PARVA: variants seen among roughly 807,000 people sequenced by gnomAD.
PARVA encodes the protein alpha-parvin.
Under a neutral mutation model 52.6 loss-of-function variants are expected in PARVA, and 25 were observed. The observed-to-expected ratio is 0.48, with a 90% CI of 0.35 to 0.66. The LOEUF (loss-of-function observed/expected upper bound fraction) is 0.66. PARVA is among the 30% of genes least tolerant of loss of function. The pLI is 0.01. For synonymous variants in PARVA, 185 were observed against 179.1 expected (o/e 1.03, Z -0.26); for missense variants, 373 against 450.9 (o/e 0.83, Z 1.56).
chr11:12,439,753 G>C (rs1174132980), intron 1 of PARVA, among the ~76,000 whole-genome samples: 1 of 152,074 alleles, frequency 6.6e-6, no homozygotes, highest in East Asian at 1.9e-4. Context: ...AGCTGCCCTG[G>C]CCTTCTTGTT....
intron 1 of PARVA, among the ~76,000 whole-genome samples, chr11:12,440,834 A>G (rs760732719): frequency 2.0e-5 from 3 of 152,210 alleles, no homozygotes; most frequent in Non-Finnish European, 2.9e-5. Context: ...TCTCATACTA[A>G]GTCTCTCCGA....
rs77285148 is a variant in PARVA at position 12,396,168 on chromosome 11, C to G, written c.136+18385C>G. Among the ~76,000 whole-genome samples, 10 of 152,334 alleles carry G rather than the reference C, an allele frequency of 6.6e-5. No individual in the cohort carries two copies. The East Asian group carries it at 1.9e-3, about 29-fold the overall frequency. On this transcript the variant is annotated intron_variant, in intron 1 of 12. Coordinates refer to ENST00000334956, the MANE Select transcript of PARVA (RefSeq NM_018222.5). ...AACTGACTTGTCTAAGATCTCTCAG[C>G]TATTAATTGGTAGAACAGGGATTTC...
chr11:12,419,237 A>G (rs190833576), intron 1 of PARVA, among the ~76,000 whole-genome samples: 31 of 152,288 alleles, frequency 2.0e-4, no homozygotes, highest in Admixed American at 9.2e-4. Flanking sequence ...TTCATCTTGC[A>G]AAACTGAAAC....
chr11:12,403,611 T>C (rs1939860605), intron 1 of PARVA, among the ~76,000 whole-genome samples: 1 of 152,228 alleles, frequency 6.6e-6, no homozygotes, highest in African/African-American at 2.4e-5. Flanking sequence ...ATATTCAAAA[T>C]AAGAGATTAG....
At chr11:12,501,368 G>T (rs376443572) in intron 5 of PARVA, among the ~76,000 whole-genome samples, 1 of 151,836 alleles carries the variant, frequency 6.6e-6, no homozygotes, top group Non-Finnish European at 1.5e-5. Context: ...GATTTTCAAT[G>T]CATGCAAACT....
chr11:12,451,447 CT>C (rs111287854), intron 1 of PARVA, among the ~76,000 whole-genome samples: 5,135 of 144,002 alleles, frequency 0.036, 297 homozygotes, highest in African/African-American at 0.12. Flanking sequence ...GGTAGAGATG[CT>C]TTTTTTTTTT....
intron 1 of PARVA, among the ~76,000 whole-genome samples, chr11:12,418,614 A>C (rs1391767315): frequency 4.6e-5 from 7 of 152,042 alleles, no homozygotes. Flanking sequence ...TTGATTCTCT[A>C]TCAGGCAACT....
At chr11:12,445,845 G>T (rs1198821867) in intron 1 of PARVA, among the ~76,000 whole-genome samples, 5 of 152,168 alleles carry the variant, frequency 3.3e-5, no homozygotes, top group African/African-American at 1.2e-4. Flanking sequence ...ACTGGCATTT[G>T]TCAGATCACA....
At chr11:12,409,785 C>T (rs1939967932) in intron 1 of PARVA, among the ~76,000 whole-genome samples, 1 of 152,212 alleles carries the variant, frequency 6.6e-6, no homozygotes, top group Non-Finnish European at 1.5e-5. Context: ...TGTTGTAAGC[C>T]ACTAAGCATT....
At chr11:12,508,417 C>G (rs909198077) in intron 6 of PARVA, among the ~76,000 whole-genome samples, 167 bp from the exon 7 acceptor site, 1 of 152,158 alleles carries the variant, frequency 6.6e-6, no homozygotes, top group Non-Finnish European at 1.5e-5. Context: ...CAGTCCAGTC[C>G]CTGAAAATCA....
At chr11:12,415,044 C>CT (rs1300960812) in intron 1 of PARVA, among the ~76,000 whole-genome samples, 1 of 152,322 alleles carries the variant, frequency 6.6e-6, no homozygotes, top group Non-Finnish European at 1.5e-5. Flanking sequence ...GGTGGGCTGG[C>CT]TTAACCCCTT....
At chr11:12,504,271 C>A in intron 5 of PARVA, 43 bp from the exon 6 acceptor site, 1 of 1,135,520 alleles carries the variant, frequency 8.8e-7, no homozygotes, top group East Asian at 2.4e-5. Flanking sequence ...TGCCTAGAAC[C>A]TGGAAGAAGA....
chr11:12,495,952 T>C (rs1481629269), intron 4 of PARVA, among the ~76,000 whole-genome samples: 1 of 152,148 alleles, frequency 6.6e-6, no homozygotes, highest in Non-Finnish European at 1.5e-5. Flanking sequence ...ATGTGAAAAA[T>C]ATGTGCCTTA....
chr11:12,421,613 G>T (rs948122258), intron 1 of PARVA, among the ~76,000 whole-genome samples: 1 of 152,196 alleles, frequency 6.6e-6, no homozygotes, highest in Admixed American at 6.5e-5. Context: ...GCCGTGCTCT[G>T]TGGACAGATC....
intron 5 of PARVA, among the ~76,000 whole-genome samples, chr11:12,497,443 A>T (rs955576321): frequency 2.6e-5 from 4 of 152,178 alleles, no homozygotes; most frequent in African/African-American, 7.2e-5. Context: ...ACAAAAAAAA[A>T]TACTTTTCAA....
chr11:12,438,259 CAAAA>C (rs1222652970), intron 1 of PARVA, among the ~76,000 whole-genome samples: 1 of 100,476 alleles, frequency 1.0e-5, no homozygotes. Context: ...GACTGCATCT[CAAAA>C]AAAAAAAAAA....
At chr11:12,471,544 T>C (rs1373443886) in intron 1 of PARVA, among the ~76,000 whole-genome samples, 3 of 152,122 alleles carry the variant, frequency 2.0e-5, no homozygotes, top group Non-Finnish European at 1.5e-5. Context: ...GAAAGGATCA[T>C]GTAATTTGCA....
intron 1 of PARVA, among the ~76,000 whole-genome samples, chr11:12,405,568 AAAT>A (rs1939891752): frequency 6.6e-6 from 1 of 152,154 alleles, no homozygotes; most frequent in South Asian, 2.1e-4. Context: ...TGTCTCAAGA[AAAT>A]AATAATAAAG....
intron 3 of PARVA, among the ~76,000 whole-genome samples, chr11:12,474,881 G>A (rs1248686144): frequency 6.6e-6 from 1 of 151,162 alleles, no homozygotes; most frequent in African/African-American, 2.4e-5. Context: ...TGGGAGGATG[G>A]CTTGAACTTG....
Sources: gnomAD v4.1 joint callset for allele counts (sites outside exome capture counted in the v4.1 genomes callset) on GRCh38, gnomAD v4.1.1 for gene constraint, MANE v1.5 for transcripts, NCBI Gene and HGNC (gene_info 2026-07-23, HGNC 2026-07-21) for gene names.